Variants in MSRA observed in about 807,000 individuals in gnomAD.
The protein encoded by MSRA is mitochondrial peptide methionine sulfoxide reductase.
Under a neutral mutation model 31.3 loss-of-function variants are expected in MSRA, and 54 were observed. The observed-to-expected ratio is 1.73, with a 90% CI of 1.39 to 2.17. MSRA has a LOEUF of 2.17. Ranked by LOEUF, MSRA falls within the 30% of genes most tolerant of loss-of-function variation. The probability of loss-of-function intolerance (pLI) is 0.00; values close to 1 mark genes in which losing one functional copy is unlikely to be tolerated. For synonymous variants in MSRA, 169 were observed against 116.5 expected, an observed-to-expected ratio of 1.45 and a Z score of -2.90; for missense variants, 507 against 300.9, an observed-to-expected ratio of 1.69 and a Z score of -5.07.
At chr8:10,423,677 A>G (rs781638709) in intron 5 of MSRA, among the ~76,000 whole-genome samples, 3 of 152,204 alleles carry the variant, frequency 2.0e-5, no homozygotes, top group Non-Finnish European at 4.4e-5. Context: ...GCTCCCTGCA[A>G]GGACACAGCA....
At chr8:10,223,468 C>G (rs1344710174) in intron 2 of MSRA, among the ~76,000 whole-genome samples, 1 of 152,218 alleles carries the variant, frequency 6.6e-6, no homozygotes, top group Non-Finnish European at 1.5e-5. Flanking sequence ...CCACAGACCA[C>G]TGGGATAGAA....
At chr8:10,376,537 C>T (rs146865771) in intron 5 of MSRA, among the ~76,000 whole-genome samples, 2 of 152,198 alleles carry the variant, frequency 1.3e-5, no homozygotes, top group Non-Finnish European at 2.9e-5. Context: ...TAGGACCTGC[C>T]TCCTGGGGTT....
intron 1 of MSRA, among the ~76,000 whole-genome samples, chr8:10,110,015 A>G (rs1403812585): frequency 1.3e-5 from 2 of 151,780 alleles, no homozygotes; most frequent in African/African-American, 4.8e-5. Context: ...CTTGTTCCCC[A>G]CATCCCAGAT....
chr8:10,351,868 C>T (rs923423726), intron 5 of MSRA, among the ~76,000 whole-genome samples: 2 of 152,158 alleles, frequency 1.3e-5, no homozygotes, highest in East Asian at 1.9e-4. Flanking sequence ...CCAGAAGAGG[C>T]GCAGGTTTTA....
At chr8:10,205,988 G>T (rs1005389435) in intron 1 of MSRA, among the ~76,000 whole-genome samples, 9 of 152,260 alleles carry the variant, frequency 5.9e-5, no homozygotes, top group African/African-American at 2.2e-4. Flanking sequence ...TTGATTTTAA[G>T]ATTTTGTTAT....
intron 5 of MSRA, among the ~76,000 whole-genome samples, chr8:10,324,103 G>T (rs536762889): frequency 2.0e-5 from 3 of 152,310 alleles, no homozygotes; most frequent in East Asian, 3.9e-4. Flanking sequence ...TCGCCTTTCC[G>T]CCATGATGCT....
intron 2 of MSRA, among the ~76,000 whole-genome samples, chr8:10,216,210 G>C (rs891512539): frequency 2.0e-5 from 3 of 152,094 alleles, no homozygotes; most frequent in Admixed American, 2.0e-4. Context: ...ATATATGCAA[G>C]ACACAGCCAA....
At chr8:10,089,156 A>ACG (rs1798735576) in intron 1 of MSRA, among the ~76,000 whole-genome samples, 1 of 152,124 alleles carries the variant, frequency 6.6e-6, no homozygotes, top group Admixed American at 6.5e-5. Context: ...ACACACACAC[A>ACG]CACACAGTAA....
chr8:10,172,270 C>G (rs866987173), intron 1 of MSRA, among the ~76,000 whole-genome samples: 1 of 152,116 alleles, frequency 6.6e-6, no homozygotes, highest in South Asian at 2.1e-4. Context: ...CTCATGGATT[C>G]CAGATCAGCA....
At chr8:10,263,987 T>C (rs1798613217) in intron 3 of MSRA, among the ~76,000 whole-genome samples, 2 of 152,204 alleles carry the variant, frequency 1.3e-5, no homozygotes, top group African/African-American at 2.4e-5. Context: ...TTTTCTTTAC[T>C]TAAAAATATT....
intron 1 of MSRA, among the ~76,000 whole-genome samples, chr8:10,162,741 T>G (rs1259217990): frequency 6.6e-6 from 1 of 152,166 alleles, no homozygotes; most frequent in Non-Finnish European, 1.5e-5. Flanking sequence ...ATTTAGTGCT[T>G]ATGATTCCCT....
chr8:10,402,066 A>G (rs1050574971), intron 5 of MSRA, among the ~76,000 whole-genome samples: 2 of 152,218 alleles, frequency 1.3e-5, no homozygotes, highest in Non-Finnish European at 2.9e-5. Flanking sequence ...CATATATTTT[A>G]CCATAATAGA....
intron 2 of MSRA, among the ~76,000 whole-genome samples, chr8:10,222,940 G>C (rs914076270): frequency 1.3e-5 from 2 of 152,184 alleles, no homozygotes; most frequent in African/African-American, 4.8e-5. Context: ...CTTGAAAATT[G>C]CTAAGAGAGT....
chr8:10,178,566 A>G (rs1806266792), intron 1 of MSRA, among the ~76,000 whole-genome samples: 1 of 152,250 alleles, frequency 6.6e-6, no homozygotes, highest in South Asian at 2.1e-4. Flanking sequence ...CGATGAAGAT[A>G]TAATAGACAT....
chr8:10,416,610 G>A (rs1461211551), intron 5 of MSRA, among the ~76,000 whole-genome samples: 1 of 152,194 alleles, frequency 6.6e-6, no homozygotes, highest in Non-Finnish European at 1.5e-5. Context: ...ACAGCTTACT[G>A]GCCAAAGCAG....
intron 1 of MSRA, among the ~76,000 whole-genome samples, chr8:10,117,367 C>T (rs1800762251): frequency 1.3e-5 from 2 of 152,172 alleles, no homozygotes; most frequent in South Asian, 4.1e-4. Context: ...AAATCCACAG[C>T]TCTTCCCTAG....
chr8:10,073,501 GGTTTGCTGAATCTTACTATA>G (rs1305689143), intron 1 of MSRA, among the ~76,000 whole-genome samples: 1 of 152,124 alleles, frequency 6.6e-6, no homozygotes, highest in Non-Finnish European at 1.5e-5. Flanking sequence ...TTACAGAAAA[GGTTTGCTGAATCTTACTATA>G]GTTTCACCAA....
chr8:10,409,190 G>T (rs919175256), intron 5 of MSRA, among the ~76,000 whole-genome samples: 1 of 152,330 alleles, frequency 6.6e-6, no homozygotes, highest in Admixed American at 6.5e-5. Flanking sequence ...CACCAACAGT[G>T]TGTAAGCATT....
chr8:10,310,759 G>A (rs1306061221), intron 4 of MSRA, among the ~76,000 whole-genome samples: 1 of 152,210 alleles, frequency 6.6e-6, no homozygotes, highest in Non-Finnish European at 1.5e-5. Flanking sequence ...TAAAATCGAA[G>A]CCTGATGTTC....
Sources: gnomAD v4.1 joint callset for allele counts (sites outside exome capture counted in the v4.1 genomes callset) on GRCh38, gnomAD v4.1.1 for gene constraint, MANE v1.5 for transcripts, NCBI Gene and HGNC (gene_info 2026-07-23, HGNC 2026-07-21) for gene names.